ADGRV1: variants seen among roughly 807,000 people sequenced by gnomAD.
ADGRV1 encodes the protein adhesion G protein-coupled receptor V1.
A neutral mutation model predicts 596.2 loss-of-function variants in ADGRV1; 359 were observed. That is an observed-to-expected ratio of 0.60 (90% confidence interval 0.55 to 0.66). ADGRV1 has a LOEUF of 0.66. Among genes scored for constraint, ADGRV1 ranks in the 30% least tolerant of loss-of-function variants. The pLI is 0.00. For missense variants in ADGRV1, 7,274 were observed against 7,575.6 expected (o/e 0.96, Z 1.48); for synonymous variants, 2,681 against 2,679.2 (o/e 1.00, Z -0.02).
chr5:90,936,584 C>A (rs1233665683), intron 83 of ADGRV1, among the ~76,000 whole-genome samples: 1 of 151,714 alleles, frequency 6.6e-6, no homozygotes, highest in East Asian at 1.9e-4. Context: ...TTATTTTCTT[C>A]TACCTAATAT....
rs776737741 is a variant in ADGRV1, at chr5:91,072,653, G to T, written c.18310+49G>T. 6 of 1,558,236 alleles carry T rather than the reference G, an allele frequency of 3.9e-6. No homozygotes were observed. In the African/African-American group the frequency reaches 6.9e-5, roughly 18 times the overall value. ...CTTTGGAGATGGAAACGCTTTAATG[G>T]TGGGAAAATGTCACTGAATTTTTTT... On this transcript the variant is annotated intron_variant, in intron 86 of 89. Transcript: ENST00000405460.
intron 89 of ADGRV1, among the ~76,000 whole-genome samples, chr5:91,156,584 C>T (rs1000112295): frequency 5.9e-5 from 9 of 152,132 alleles, no homozygotes; most frequent in Non-Finnish European, 7.3e-5. Context: ...ATCTATATTA[C>T]ATTACATCTT....
At chr5:90,566,028 T>C (rs1755587968) in intron 1 of ADGRV1, among the ~76,000 whole-genome samples, 1 of 152,202 alleles carries the variant, frequency 6.6e-6, no homozygotes, top group African/African-American at 2.4e-5. Flanking sequence ...GTTTTTGTTT[T>C]TTATTGAGTC....
chr5:90,736,578 C>G (rs1753251168), intron 50 of ADGRV1, among the ~76,000 whole-genome samples: 1 of 151,994 alleles, frequency 6.6e-6, no homozygotes. Flanking sequence ...TAGCATTCAG[C>G]CATAAAGGCA....
chr5:90,823,935 C>T (rs1240171623), intron 76 of ADGRV1, among the ~76,000 whole-genome samples: 1 of 152,084 alleles, frequency 6.6e-6, no homozygotes, highest in African/African-American at 2.4e-5. Flanking sequence ...TTGTTAGCCC[C>T]TTCCTACTTA....
At chr5:91,010,216 GAAAT>G (rs1782611121) in intron 85 of ADGRV1, among the ~76,000 whole-genome samples, 1 of 152,088 alleles carries the variant, frequency 6.6e-6, no homozygotes, top group African/African-American at 2.4e-5. Context: ...GGCTTCCTTA[GAAAT>G]AAATAATGAG....
At chr5:90,967,258 T>C (rs184711862) in intron 84 of ADGRV1, among the ~76,000 whole-genome samples, 1 of 152,302 alleles carries the variant, frequency 6.6e-6, no homozygotes, top group East Asian at 1.9e-4. Flanking sequence ...CCAAGATTTG[T>C]TTCTAAATCT....
In ADGRV1 at chr5:90,965,339, A is replaced by T. The variant is rs1177569327; in HGVS notation, c.17857-76A>T. ...AATCACTGAGTCATAGATTTAGATA[A>T]GAAAGCAGTTTACTTTCTTAATATT... is the stretch of plus-strand genomic sequence containing the variant. On this transcript the variant is annotated intron_variant, in intron 83 of 89. Coordinates refer to ENST00000405460, the MANE Select transcript of ADGRV1 (RefSeq NM_032119.4). The T allele has an allele frequency of 3.3e-5, 30 of 915,640 alleles. No individual in the cohort carries two copies. In the East Asian group the frequency reaches 7.3e-4, roughly 22 times the overall value. The allele number at this position is 915,640 out of a possible 1,614,324, so 56.7% of individuals were successfully genotyped here.
intron 1 of ADGRV1, among the ~76,000 whole-genome samples, chr5:90,604,345 G>A (rs569386551): frequency 9.2e-5 from 14 of 152,102 alleles, no homozygotes; most frequent in Admixed American, 9.2e-4. Context: ...GAAAGCATAA[G>A]CACCTAGATT....
intron 89 of ADGRV1, among the ~76,000 whole-genome samples, chr5:91,162,434 G>T (rs1225332235): frequency 6.6e-6 from 1 of 152,114 alleles, no homozygotes; most frequent in Non-Finnish European, 1.5e-5. Context: ...CGTGTGAAAA[G>T]GCAGTGACCT....
chr5:91,012,961 G>A (rs1031136761), intron 85 of ADGRV1, among the ~76,000 whole-genome samples: 4 of 152,030 alleles, frequency 2.6e-5, no homozygotes, highest in Non-Finnish European at 4.4e-5. Flanking sequence ...ATTTATAGGT[G>A]AGAATATGCA....
At chr5:90,832,332 T>A (rs1037124370) in intron 77 of ADGRV1, among the ~76,000 whole-genome samples, 2 of 152,188 alleles carry the variant, frequency 1.3e-5, no homozygotes, top group African/African-American at 4.8e-5. Flanking sequence ...TAGTTTTGAT[T>A]TGCATTTCTT....
intron 36 of ADGRV1, 107 bp from the exon 37 acceptor site, chr5:90,705,293 A>G (rs994114807): frequency 9.0e-6 from 8 of 892,176 alleles, no homozygotes; most frequent in Non-Finnish European, 1.2e-5. Flanking sequence ...TTAGAGAAGT[A>G]AATAGAACAC....
chr5:90,627,747 A>T lies in ADGRV1; in HGVS notation c.1209A>T (p.Thr403=). The T allele has an allele frequency of 6.4e-7, 1 of 1,563,082 alleles. No individual in the cohort carries two copies. The highest frequency in any genetic ancestry group is 1.4e-5 in the African/African-American group (1 of 73,012). ...LSFNSVLFER[T]VIIDEDRISR... ...TCAACAGTGTTTTGTTTGAAAGGAC[A>T]GTTATAATTGATGAAGATAGAATAT... The change falls in exon 7 of 90, where the codon ACA becomes ACT. Residue 403 remains threonine (T), a synonymous_variant. Coordinates refer to ENST00000405460, the MANE Select transcript of ADGRV1 (RefSeq NM_032119.4).
intron 21 of ADGRV1, among the ~76,000 whole-genome samples, chr5:90,663,569 T>G (rs1361115485): frequency 6.6e-6 from 1 of 152,178 alleles, no homozygotes; most frequent in Non-Finnish European, 1.5e-5. Context: ...GGTTGCCTGT[T>G]CACTCTGATG....
intron 21 of ADGRV1, among the ~76,000 whole-genome samples, chr5:90,669,347 C>T (rs527651568): frequency 2.6e-5 from 4 of 152,216 alleles, no homozygotes; most frequent in Non-Finnish European, 4.4e-5. Flanking sequence ...CAGTCAGTTC[C>T]GCCATGACAT....
At chr5:90,773,649 A>G (rs1338384644) in intron 59 of ADGRV1, among the ~76,000 whole-genome samples, 3 of 152,108 alleles carry the variant, frequency 2.0e-5, no homozygotes, top group Non-Finnish European at 4.4e-5. Context: ...GAAAAACTAC[A>G]TTTTCTTGTG....
Position 90,807,694 on chromosome 5 carries a change from C to G in ADGRV1, c.14929C>G (p.Leu4977Val). Residue 4977 changes from leucine to valine, a missense_variant, in exon 73 of 90, where the codon CTA becomes GTA. Physicochemically the swap from Leu to Val is conservative, Grantham distance 32. Around this residue, in one of 5 missense-constraint regions of ADGRV1, gnomAD observed 1,874 missense variants for 1,970.2 expected, o/e 0.95. Transcript: ENST00000405460. ...TTGGCCAGAGGCCTTTGTTCTTCAC[C>G]TATCAGGAGTGCAGAGCAGTGCTCC... Reference protein sequence around the residue: ...PGWPEAFVLHLSGVQSSAPGG... With the variant: ...PGWPEAFVLHVSGVQSSAPGG... 6.2e-7 allele frequency: 1 copy of G among 1,609,460 alleles called. No homozygotes were observed. The highest frequency in any genetic ancestry group is 8.5e-7 in the Non-Finnish European group (1 of 1,176,532).
In ADGRV1 at chr5:90,711,043, G is replaced by C; in HGVS notation, c.8887G>C (p.Glu2963Gln). Residue 2963 changes from glutamate to glutamine, a missense_variant, in exon 40 of 90, where the codon GAA (glutamate) becomes CAA (glutamine). Glu to Gln is a conservative substitution (Grantham distance 29, BLOSUM62 2). This residue lies in a region of ADGRV1 where 3,643 missense variants were observed against 3,809.2 expected (regional missense o/e 0.96). Transcript: ENST00000405460. ...DANDGARGVIEWQQSRFEVNE... is the reference protein window; with the variant it reads ...DANDGARGVIQWQQSRFEVNE... ...CAATGATGGGGCCCGAGGTGTAATTGAATGGCAACAAAGCAGGTAAGGCCA... is the reference window on the plus strand; with the variant it reads ...CAATGATGGGGCCCGAGGTGTAATTCAATGGCAACAAAGCAGGTAAGGCCA... The C allele has an allele frequency of 6.2e-7, 1 of 1,610,466 alleles. No individual in the cohort carries two copies. Among genetic ancestry groups the C allele is most frequent in the African/African-American group, 1.3e-5 (1 of 74,976 alleles).
Sources: allele counts gnomAD v4.1 joint callset (sites outside exome capture counted in the v4.1 genomes callset), GRCh38; gene constraint gnomAD v4.1.1; regional missense constraint gnomAD v4.1.1; transcripts MANE v1.5; gene names NCBI Gene and HGNC (gene_info 2026-07-23, HGNC 2026-07-21).